The following TDRD1 variants were observed in gnomAD, a reference collection of about 807,000 sequenced individuals.
TDRD1 encodes tudor domain containing 1.
Under a neutral mutation model 140.6 loss-of-function variants are expected in TDRD1, and 37 were observed. That is an observed-to-expected ratio of 0.26 (90% CI 0.20 to 0.35). TDRD1 has a LOEUF of 0.35. TDRD1 is among the 10% of genes least tolerant of loss of function. The pLI is 1.00. For missense variants in TDRD1, 1,243 were observed against 1,393.0 expected, an observed-to-expected ratio of 0.89 and a Z score of 1.71; for synonymous variants, 506 against 475.7, an observed-to-expected ratio of 1.06 and a Z score of -0.83.
intron 11 of TDRD1, among the ~76,000 whole-genome samples, chr10:114,207,411 T>C (rs1305690079): frequency 6.6e-6 from 1 of 152,230 alleles, no homozygotes; most frequent in Non-Finnish European, 1.5e-5. Flanking sequence ...CCTACTACCA[T>C]TTTCTTAGCT....
At chr10:114,196,193 C>T (rs920357591) in intron 3 of TDRD1, among the ~76,000 whole-genome samples, 1 of 152,212 alleles carries the variant, frequency 6.6e-6, no homozygotes, top group Admixed American at 6.5e-5. Context: ...GTCCTCCCAC[C>T]TCAGACTCAC....
chr10:114,228,152 C>T (rs759591914), intron 25 of TDRD1: 11 of 1,547,374 alleles, frequency 7.1e-6, no homozygotes, highest in Admixed American at 5.9e-5. Flanking sequence ...CGTATGTTTT[C>T]GCCTCTTCTG....
chr10:114,225,987 A>G (rs930766213), intron 21 of TDRD1, 62 bp from the exon 22 acceptor site: 26 of 1,398,898 alleles, frequency 1.9e-5, no homozygotes, highest in Admixed American at 5.1e-5. Flanking sequence ...ATGAATAGCC[A>G]TCTTAAAGTA....
At chr10:114,220,508 A>C in intron 18 of TDRD1, 60 bp from the exon 19 acceptor site, 1 of 1,316,458 alleles carries the variant, frequency 7.6e-7, no homozygotes, top group Non-Finnish European at 1.1e-6. Context: ...GCTGGGTACT[A>C]CTAAAGCAAA....
chr10:114,202,337 C>G (rs773328634), intron 6 of TDRD1, 39 bp downstream of exon 6: 2 of 1,363,304 alleles, frequency 1.5e-6, no homozygotes, highest in South Asian at 2.7e-5. Flanking sequence ...AATAACTCCT[C>G]TTTATTGAAT....
chr10:114,227,340 G>A, intron 23 of TDRD1, 41 bp downstream of exon 23: 2 of 1,361,222 alleles, frequency 1.5e-6, no homozygotes, highest in Non-Finnish European at 2.1e-6. Context: ...TGTTAAGTGT[G>A]AGGAATAACA....
At chr10:114,212,131 A>G in intron 14 of TDRD1, 95 bp downstream of exon 14, 1 of 1,143,948 alleles carries the variant, frequency 8.7e-7, no homozygotes, top group Non-Finnish European at 1.2e-6. Context: ...GCTTCTCAAA[A>G]CAACATCATG....
chr10:114,228,430 T>TA, intron 25 of TDRD1: 4 of 1,076,216 alleles, frequency 3.7e-6, no homozygotes, highest in Non-Finnish European at 4.5e-6. Context: ...TTGTAAAACT[T>TA]GTTGTGACAT....
chr10:114,196,723 A>C (rs958388691), intron 3 of TDRD1, among the ~76,000 whole-genome samples: 7 of 150,436 alleles, frequency 4.7e-5, no homozygotes, highest in African/African-American at 1.7e-4. Context: ...TTTAATTTTC[A>C]GAATTTTAAG....
chr10:114,202,859 C>T (rs577350929), intron 6 of TDRD1, among the ~76,000 whole-genome samples: 4 of 152,356 alleles, frequency 2.6e-5, no homozygotes, highest in Admixed American at 6.5e-5. Flanking sequence ...TCTTCACCCA[C>T]GTGGCCTTAT....
exon 3 of TDRD1, chr10:114,191,003 C>A (rs1444538885): frequency 2.5e-6 from 4 of 1,613,634 alleles, no homozygotes; most frequent in Non-Finnish European, 3.4e-6. Context: ...AATTCACCAC[C>A]CAAAGAAGTG....
chr10:114,202,180 A>G (rs2034791383), intron 5 of TDRD1, 58 bp from the exon 6 acceptor site: 5 of 1,316,166 alleles, frequency 3.8e-6, no homozygotes, highest in Non-Finnish European at 5.3e-6. Context: ...TGTGGTTGAT[A>G]GCCCCTATGT....
chr10:114,175,271 G>A (rs977997225), upstream of TDRD1, among the ~76,000 whole-genome samples: 2 of 151,930 alleles, frequency 1.3e-5, no homozygotes, highest in Non-Finnish European at 2.9e-5. Flanking sequence ...AGCTGTTTTC[G>A]GTACTCGTCA....
At chr10:114,229,663 A>G (rs1055850429) in intron 25 of TDRD1, among the ~76,000 whole-genome samples, 1 of 147,992 alleles carries the variant, frequency 6.8e-6, no homozygotes, top group African/African-American at 2.5e-5. Flanking sequence ...ATTCTCCCAC[A>G]TCAGCCTCCC....
intron 4 of TDRD1, 90 bp from the exon 5 acceptor site, chr10:114,201,320 C>T (rs752341392): frequency 2.1e-5 from 21 of 1,009,080 alleles, no homozygotes; most frequent in Non-Finnish European, 2.8e-5. Flanking sequence ...AATTCTCTTG[C>T]CATGGCTAAT....
rs1186713238 is a variant in TDRD1, at chr10:114,228,362, C to A, written c.3538+237C>A. ...CCCAGGGGTATTCCAGTTGTAATAG[C>A]CTTTCCTTACTGTTGTTTGGTTCTG... On this transcript the variant is annotated intron_variant, in intron 25 of 25. Transcript: ENST00000251864. 7 of 1,255,540 alleles carry A rather than the reference C, an allele frequency of 5.6e-6. No individual in the cohort carries two copies. The African/African-American group carries it at 9.2e-5, about 16-fold the overall frequency. 77.8% of individuals were successfully genotyped at this position (1,255,540 alleles called of 1,614,324 possible).
chr10:114,223,810 T>G (rs554811058), intron 21 of TDRD1, among the ~76,000 whole-genome samples: 27 of 152,306 alleles, frequency 1.8e-4, no homozygotes, highest in African/African-American at 6.5e-4. Context: ...TTAGTGCAAA[T>G]TCCCTCAAAG....
intron 1 of TDRD1, 26 bp from the exon 2 acceptor site, chr10:114,187,800 T>G: frequency 6.6e-7 from 1 of 1,506,194 alleles, no homozygotes; most frequent in Non-Finnish European, 8.9e-7. Context: ...TTAAAAGTTG[T>G]CTCTTAAATA....
At chr10:114,181,922 C>G (rs573595070) in intron 1 of TDRD1, among the ~76,000 whole-genome samples, 73 of 151,838 alleles carry the variant, frequency 4.8e-4, no homozygotes, top group African/African-American at 1.7e-3. Flanking sequence ...TCTATGCCTG[C>G]GTTACATTCA....
Sources: allele counts gnomAD v4.1 joint callset (sites outside exome capture counted in the v4.1 genomes callset), GRCh38; gene constraint gnomAD v4.1.1; transcripts MANE v1.5; gene names NCBI Gene and HGNC (gene_info 2026-07-23, HGNC 2026-07-21).